Variants in ZFR observed in about 807,000 individuals in gnomAD.
ZFR encodes zinc finger RNA binding protein.
Under a neutral mutation model 130.7 loss-of-function variants are expected in ZFR, and 19 were observed. That is an observed-to-expected ratio of 0.15 (90% CI 0.10 to 0.21). The LOEUF is 0.21. Ranked by LOEUF, ZFR falls within the 10% of genes least tolerant of loss-of-function variation. The pLI, the probability that ZFR is intolerant of heterozygous loss-of-function variation, is 1.00. For synonymous variants in ZFR, 466 were observed against 456.9 expected, an observed-to-expected ratio of 1.02 and a Z score of -0.25; for missense variants, 872 against 1,321.5, an observed-to-expected ratio of 0.66 and a Z score of 5.27.
chr5:32,364,424 T>C (rs1006746149), intron 17 of ZFR, 149 bp from the exon 18 acceptor site: 2 of 500,640 alleles, frequency 4.0e-6, no homozygotes, highest in Admixed American at 3.6e-5. Flanking sequence ...TTACATATAA[T>C]ATAAAAACAT....
chr5:32,392,325 T>C (rs1446371577), intron 11 of ZFR, among the ~76,000 whole-genome samples: 1 of 152,154 alleles, frequency 6.6e-6, no homozygotes, highest in Non-Finnish European at 1.5e-5. Flanking sequence ...CACTGTATAA[T>C]CTAGCTATAG....
intron 17 of ZFR, among the ~76,000 whole-genome samples, chr5:32,378,237 T>C (rs933787718): frequency 1.3e-5 from 2 of 152,176 alleles, no homozygotes; most frequent in African/African-American, 4.8e-5. Flanking sequence ...TAGCAAAAGA[T>C]TGTAAACCTA....
At chr5:32,409,401 A>G (rs890018730) in intron 5 of ZFR, among the ~76,000 whole-genome samples, 5 of 151,858 alleles carry the variant, frequency 3.3e-5, no homozygotes, top group Non-Finnish European at 5.9e-5. Flanking sequence ...GTTTTGTATT[A>G]TATTTTCTAT....
rs1054978474 is a variant in ZFR, at chr5:32,444,712, C to G, written c.-54G>C. ...AACTCTCACCCGCTGCCTCCCTCCTCTGCCCCGCTCCTCCTCAGCGGAGAA... is the reference window on the plus strand; with the variant it reads ...AACTCTCACCCGCTGCCTCCCTCCTGTGCCCCGCTCCTCCTCAGCGGAGAA... On this transcript the variant is annotated 5_prime_UTR_variant, in exon 1 of 20. Coordinates refer to ENST00000265069, the MANE Select transcript of ZFR (RefSeq NM_016107.5). The G allele has an allele frequency of 6.0e-6, 9 of 1,497,796 alleles. No individual in the cohort carries two copies. In the East Asian group the frequency reaches 2.0e-4, roughly 34 times the overall value. 92.8% of individuals were successfully genotyped at this position (1,497,796 alleles called of 1,614,324 possible). A position where few individuals can be genotyped will look rare whatever the true frequency, so the allele number is the denominator to read the frequency against.
rs772175973 is a variant in ZFR, at chr5:32,387,550, G to A, written c.2498C>T (p.Ala833Val). ...AATGAACATTTCCATAATACTTACA[G>A]CAAGCTGTTTGGGTAGGTTTTCTGC... ...RIAENLPKQL[A>V]VISPEKYDIK... The change falls in exon 14 of 20, where the codon GCT becomes GTT. Residue 833 changes from alanine to valine, a missense_variant and splice_region_variant. Physicochemically the swap from Ala to Val is moderately conservative, Grantham distance 64. This residue lies in a region of ZFR where 225 missense variants were observed against 282.4 expected (regional missense o/e 0.80). Transcript: ENST00000265069. The A allele has an allele frequency of 6.2e-7, 1 of 1,611,520 alleles. No individual in the cohort carries two copies. The highest frequency in any genetic ancestry group is 1.3e-5 in the African/African-American group (1 of 74,770).
At chr5:32,372,436 G>T (rs146481456) in intron 17 of ZFR, among the ~76,000 whole-genome samples, 170 of 152,176 alleles carry the variant, frequency 1.1e-3, no homozygotes, top group Non-Finnish European at 1.9e-3. Context: ...CTTGAAAAAC[G>T]TGAGTTTGAA....
intron 16 of ZFR, chr5:32,379,556 G>T: frequency 3.8e-6 from 1 of 263,942 alleles, no homozygotes; most frequent in Non-Finnish European, 7.3e-6. Context: ...AGTTTGTCTA[G>T]GGACTGAAAG....
At chr5:32,393,923 TAATAAC>T (rs1263247641) in intron 11 of ZFR, among the ~76,000 whole-genome samples, 1 of 152,198 alleles carries the variant, frequency 6.6e-6, no homozygotes, top group Non-Finnish European at 1.5e-5. Flanking sequence ...GTCAAGATAT[TAATAAC>T]TATAATAAGG....
At chr5:32,420,697 A>C (rs1399405866) in intron 2 of ZFR, among the ~76,000 whole-genome samples, 2 of 152,180 alleles carry the variant, frequency 1.3e-5, no homozygotes, top group Admixed American at 1.3e-4. Context: ...ACTGCAGAGG[A>C]GGTGGTGATA....
In ZFR at chr5:32,406,892, C is replaced by G. The variant is rs748284880; in HGVS notation, c.914G>C (p.Gly305Ala). ...TGGTGCTTTTTTAGTAAAGGTGGTC[C>G]CTGTCCAGGCAGCTGTTGCAGCAGC... ...AAAAATAAWT[G>A]TTFTKKAPFQ... The change falls in exon 6 of 20, where the codon GGG becomes GCG. Residue 305 changes from glycine to alanine, a missense_variant. Gly to Ala is a moderately conservative substitution (Grantham distance 60, BLOSUM62 0). This residue lies in a region of ZFR where 240 missense variants were observed against 441.2 expected (regional missense o/e 0.54). Transcript: ENST00000265069. The G allele has an allele frequency of 1.9e-6, 3 of 1,613,562 alleles. No individual in the cohort carries two copies. In the South Asian group the frequency reaches 3.3e-5, roughly 18 times the overall value.
rs575340115 is a variant in ZFR at position 32,393,211 on chromosome 5, ATTT to A, written c.1979+1945_1979+1947del. Among the ~76,000 whole-genome samples, 568 of 152,302 alleles carry A rather than the reference ATTT, an allele frequency of 3.7e-3. 5 individuals carry two copies. Among genetic ancestry groups the A allele is most frequent in the African/African-American group, 0.013 (547 of 41,560 alleles). ...ACTTTTCCCACTATTCTGTGGAATAATTTTTTTACTGTATTTTATTGATTAAAT... is the reference window on the plus strand; with the variant it reads ...ACTTTTCCCACTATTCTGTGGAATAATTTTACTGTATTTTATTGATTAAAT... On this transcript the variant is annotated intron_variant, in intron 11 of 19. Coordinates refer to ENST00000265069, the MANE Select transcript of ZFR (RefSeq NM_016107.5).
At chr5:32,400,259 C>A in intron 8 of ZFR, 56 bp from the exon 9 acceptor site, 1 of 1,275,266 alleles carries the variant, frequency 7.8e-7, no homozygotes, top group Admixed American at 3.2e-5. Context: ...ATATATATAC[C>A]TGATAAGACG....
Position 32,385,571 on chromosome 5 carries a change from T to G in ZFR, c.2578A>C (p.Lys860Gln). The change falls in exon 15 of 20, where the codon AAA becomes CAA. Residue 860 changes from lysine to glutamine, a missense_variant. Coordinates refer to ENST00000265069, the MANE Select transcript of ZFR (RefSeq NM_016107.5). ...AIILNSCVEP[K>Q]MQVTITLTSP... ...GTCAGTGTGATAGTGACTTGCATTT[T>G]GGGTTCCACACATGAATTCAAAATT... The G allele has an allele frequency of 6.2e-7, 1 of 1,613,606 alleles. No individual in the cohort carries two copies. Among genetic ancestry groups the G allele is most frequent in the South Asian group, 1.1e-5 (1 of 91,060 alleles).
intron 15 of ZFR, among the ~76,000 whole-genome samples, chr5:32,380,654 T>C (rs909705256): frequency 6.8e-5 from 5 of 73,774 alleles, no homozygotes; most frequent in Admixed American, 1.5e-4. Context: ...GCATTTCTTT[T>C]TTTTTTTTTT....
rs181812354 is a variant in ZFR at position 32,440,416 on chromosome 5, G to C, written c.137+3813C>G. On this transcript the variant is annotated intron_variant, in intron 2 of 19. Transcript: ENST00000265069. ...TAATCCCAGCACTTTTGGAGGCTGA[G>C]GCGGGCGGAGGACCGGAGTTCGGGA... 1.2e-3 allele frequency among the ~76,000 whole-genome samples: 190 copies of C among 152,316 alleles called. 7 individuals are homozygous for C. The highest frequency in any genetic ancestry group is 7.4e-5 in the Non-Finnish European group (5 of 68,022).
At chr5:32,423,476 G>A (rs773056187) in intron 2 of ZFR, among the ~76,000 whole-genome samples, 1 of 152,160 alleles carries the variant, frequency 6.6e-6, no homozygotes, top group Non-Finnish European at 1.5e-5. Context: ...CCACAGATGA[G>A]AATTTTCAAA....
chr5:32,402,363 C>T (rs1476905658), intron 8 of ZFR, among the ~76,000 whole-genome samples: 2 of 152,156 alleles, frequency 1.3e-5, no homozygotes, highest in Admixed American at 6.5e-5. Context: ...TGAAAACTGG[C>T]CACTGGATTG....
At chr5:32,405,497 G>C (rs1753561262) in intron 6 of ZFR, among the ~76,000 whole-genome samples, 1 of 152,156 alleles carries the variant, frequency 6.6e-6, no homozygotes, top group Non-Finnish European at 1.5e-5. Flanking sequence ...AAAATAGCCA[G>C]CCTTATATGC....
chr5:32,379,134 C>A lies in ZFR; in HGVS notation c.2816G>T (p.Trp939Leu). The change falls in exon 17 of 20, where the codon TGG (tryptophan) becomes TTG (leucine). Residue 939 changes from tryptophan to leucine, a missense_variant. By Grantham distance (61) the Trp-to-Leu change is moderately conservative. Transcript: ENST00000265069. ...LRDLCQRVPT[W>L]SDFPSWAMEL... Reference sequence around the variant, plus strand: ...ACTTACCCAGCTTGGAAAATCAGACCAAGTTGGAACTCGCTGACAGAGGTC... The same window carrying A: ...ACTTACCCAGCTTGGAAAATCAGACAAAGTTGGAACTCGCTGACAGAGGTC... 6.2e-7 allele frequency: 1 copy of A among 1,613,680 alleles called. No individual in the cohort carries two copies.
Sources: allele counts gnomAD v4.1 joint callset (sites outside exome capture counted in the v4.1 genomes callset), GRCh38; gene constraint gnomAD v4.1.1; regional missense constraint gnomAD v4.1.1; transcripts MANE v1.5; gene names NCBI Gene and HGNC (gene_info 2026-07-23, HGNC 2026-07-21).